The following SEZ6L variants were observed in gnomAD, a reference collection of about 807,000 sequenced individuals.
SEZ6L encodes the protein seizure 6-like protein.
Under a neutral mutation model 106.2 loss-of-function variants are expected in SEZ6L, and 37 were observed. The observed-to-expected ratio is 0.35, with a 90% CI of 0.27 to 0.46. The LOEUF (loss-of-function observed/expected upper bound fraction) is 0.46, where lower values mean the gene tolerates loss of function less well. Among genes scored for constraint, SEZ6L ranks in the 20% least tolerant of loss-of-function variants. The probability of loss-of-function intolerance (pLI) is 1.00; values close to 1 mark genes in which losing one functional copy is unlikely to be tolerated. For missense variants in SEZ6L, 1,172 were observed against 1,332.8 expected (o/e 0.88, Z 1.88); for synonymous variants, 541 against 570.4 (o/e 0.95, Z 0.73).
At chr22:26,304,040 A>C (rs1475161866) in intron 5 of SEZ6L, among the ~76,000 whole-genome samples, 1 of 152,088 alleles carries the variant, frequency 6.6e-6, no homozygotes, top group Non-Finnish European at 1.5e-5. Context: ...AGCATCTGCT[A>C]CCCACCATCT....
chr22:26,286,745 C>CTTTTTT (rs137200), intron 1 of SEZ6L, among the ~76,000 whole-genome samples: 1 of 118,656 alleles, frequency 8.4e-6, no homozygotes, highest in Non-Finnish European at 1.7e-5. Flanking sequence ...AGAGCTTGTG[C>CTTTTTT]TTTTTTTTTT....
chr22:26,311,712 C>A, intron 7 of SEZ6L, 56 bp from the exon 8 acceptor site: 2 of 1,459,394 alleles, frequency 1.4e-6, no homozygotes, highest in Non-Finnish European at 1.9e-6. Context: ...TGAAATATAG[C>A]ACCGTGGGGT....
At chr22:26,316,892 GAGAAAGAAAGA>G (rs1394655591) in intron 9 of SEZ6L, among the ~76,000 whole-genome samples, 26 of 103,676 alleles carry the variant, frequency 2.5e-4, no homozygotes, top group African/African-American at 8.5e-4. Flanking sequence ...AAGAAAGAAA[GAGAAAGAAAGA>G]AGAAAGAAAG....
At chr22:26,207,711 G>C (rs1374571765) in intron 1 of SEZ6L, among the ~76,000 whole-genome samples, 4 of 151,890 alleles carry the variant, frequency 2.6e-5, no homozygotes, top group Non-Finnish European at 5.9e-5. Context: ...GGTTGTTCTA[G>C]GAATTACATT....
At chr22:26,203,271 G>A (rs1042617041) in intron 1 of SEZ6L, among the ~76,000 whole-genome samples, 1 of 152,192 alleles carries the variant, frequency 6.6e-6, no homozygotes, top group African/African-American at 2.4e-5. Context: ...CCTTTGACTG[G>A]AATGTCCTTA....
At chr22:26,266,921 T>C (rs2080210421) in intron 1 of SEZ6L, among the ~76,000 whole-genome samples, 1 of 152,174 alleles carries the variant, frequency 6.6e-6, no homozygotes, top group Non-Finnish European at 1.5e-5. Flanking sequence ...AAGAAGCACC[T>C]ATTTCTATCA....
At chr22:26,335,725 C>T (rs1015607746) in intron 9 of SEZ6L, among the ~76,000 whole-genome samples, 2 of 152,154 alleles carry the variant, frequency 1.3e-5, no homozygotes, top group African/African-American at 2.4e-5. Context: ...ATGGGATGCT[C>T]ACTGTCAATA....
chr22:26,333,382 C>A (rs2082548517), intron 9 of SEZ6L, among the ~76,000 whole-genome samples: 1 of 152,106 alleles, frequency 6.6e-6, no homozygotes, highest in Admixed American at 6.5e-5. Context: ...GGGCAGAAAT[C>A]CCTTGAGGCA....
chr22:26,255,618 C>T (rs2079786437), intron 1 of SEZ6L, among the ~76,000 whole-genome samples: 1 of 152,182 alleles, frequency 6.6e-6, no homozygotes, highest in Non-Finnish European at 1.5e-5. Context: ...CCTGTCTCTG[C>T]TAGGAAATCT....
intron 8 of SEZ6L, among the ~76,000 whole-genome samples, 160 bp from the exon 9 acceptor site, chr22:26,313,594 ACACACACACG>A (rs56986048): frequency 0.062 from 5,008 of 80,884 alleles, 156 homozygotes; most frequent in African/African-American, 0.18. Flanking sequence ...ACACACACAC[ACACACACACG>A]CACACACACA....
At chr22:26,280,644 C>T (rs975717602) in intron 1 of SEZ6L, among the ~76,000 whole-genome samples, 5 of 152,176 alleles carry the variant, frequency 3.3e-5, no homozygotes, top group African/African-American at 9.7e-5. Context: ...CCCCACCCCA[C>T]CCTTATGAGC....
rs556097144 is a variant in SEZ6L at position 26,332,236 on chromosome 22, T to G, written c.2016-8200T>G. ...GCGATCTCGGCTCACTGCAACCTCCTTCTCTCAGGTTCAAGCAATTCTCCT... is the reference window on the plus strand; with the variant it reads ...GCGATCTCGGCTCACTGCAACCTCCGTCTCTCAGGTTCAAGCAATTCTCCT... On this transcript the variant is annotated intron_variant, in intron 9 of 16. Transcript: ENST00000248933. Among the ~76,000 whole-genome samples the G allele has an allele frequency of 3.3e-3, 485 of 147,714 alleles. 7 individuals carry two copies. The highest frequency in any genetic ancestry group is 0.011 in the African/African-American group (447 of 39,578).
chr22:26,206,931 C>T (rs1014539013), intron 1 of SEZ6L, among the ~76,000 whole-genome samples: 17 of 152,172 alleles, frequency 1.1e-4, no homozygotes, highest in Admixed American at 2.0e-4. Context: ...ATTTTGAAAG[C>T]TCCAGGGACA....
At chr22:26,295,267 G>T (rs996706880) in intron 3 of SEZ6L, among the ~76,000 whole-genome samples, 5 of 152,174 alleles carry the variant, frequency 3.3e-5, no homozygotes, top group African/African-American at 1.2e-4. Flanking sequence ...GAGAGAGAGA[G>T]AAATCATTTG....
At chr22:26,320,537 G>A (rs529442106) in intron 9 of SEZ6L, among the ~76,000 whole-genome samples, 3 of 152,206 alleles carry the variant, frequency 2.0e-5, no homozygotes, top group African/African-American at 4.8e-5. Flanking sequence ...AGTTTAAATC[G>A]ATTCCACATA....
In SEZ6L at chr22:26,284,735, C is replaced by T. The variant is rs115371841; in HGVS notation, c.95-7671C>T. ...AGAGAAGTGCTTGTACTTTTGATTT[C>T]TTACCTCTCAGGTGTTCTTTAATTT... On this transcript the variant is annotated intron_variant, in intron 1 of 16. Coordinates refer to ENST00000248933, the MANE Select transcript of SEZ6L (RefSeq NM_021115.5). Among the ~76,000 whole-genome samples the T allele has an allele frequency of 4.5e-3, 667 of 149,626 alleles. 4 individuals carry two copies. The highest frequency in any genetic ancestry group is 0.016 in the African/African-American group (642 of 41,042).
chr22:26,282,787 C>T (rs2145862510), intron 1 of SEZ6L, among the ~76,000 whole-genome samples: 1 of 152,324 alleles, frequency 6.6e-6, no homozygotes, highest in South Asian at 2.1e-4. Flanking sequence ...GCTGACTTCA[C>T]TGCTGAAGAG....
rs776176343 is a variant in SEZ6L, at chr22:26,377,737, G to A, written c.3007G>A (p.Val1003Met). Reference sequence around the variant, plus strand: ...CTCCCACCCCTACAGCCAGATCACCGTGGAAACCGAGTTTGACAACCCCAT... The same window carrying A: ...CTCCCACCCCTACAGCCAGATCACCATGGAAACCGAGTTTGACAACCCCAT... Reference protein sequence around the residue: ...MYSHPYSQITVETEFDNPIYE... With the variant: ...MYSHPYSQITMETEFDNPIYE... The change falls in exon 16 of 17, where the codon GTG becomes ATG. Residue 1003 changes from valine (V) to methionine (M), a missense_variant. By Grantham distance (21) the Val-to-Met change is conservative. Around this residue, in one of 4 missense-constraint regions of SEZ6L, gnomAD observed 141 missense variants for 176.0 expected, o/e 0.80. Coordinates refer to ENST00000248933, the MANE Select transcript of SEZ6L (RefSeq NM_021115.5). 7.4e-6 allele frequency: 12 copies of A among 1,613,786 alleles called. No individual in the cohort carries two copies. Among genetic ancestry groups the A allele is most frequent in the East Asian group, 6.7e-5 (3 of 44,888 alleles).
At chr22:26,224,396 G>GAGAGAAAT (rs747981013) in intron 1 of SEZ6L, among the ~76,000 whole-genome samples, 3 of 152,170 alleles carry the variant, frequency 2.0e-5, no homozygotes, top group Admixed American at 6.5e-5. Flanking sequence ...AGTAAAGGGG[G>GAGAGAAAT]AGAGAAATAT....
Sources: allele counts gnomAD v4.1 joint callset (sites outside exome capture counted in the v4.1 genomes callset), GRCh38; gene constraint gnomAD v4.1.1; regional missense constraint gnomAD v4.1.1; transcripts MANE v1.5; gene names NCBI Gene and HGNC (gene_info 2026-07-23, HGNC 2026-07-21).